RASGRP2: variants seen among roughly 807,000 people sequenced by gnomAD.
The protein encoded by RASGRP2 is RAS guanyl releasing protein 2.
In RASGRP2, 44 loss-of-function variants were observed where a neutral mutation model predicts 71.0. The ratio of observed to expected loss-of-function variants is 0.62; its 90% CI spans 0.49 to 0.80. The LOEUF is 0.80. Among genes scored for constraint, RASGRP2 ranks in the 30% least tolerant of loss-of-function variants. RASGRP2 has a pLI of 0.00. For synonymous variants in RASGRP2, 350 were observed against 330.7 expected (o/e 1.06, Z -0.63); for missense variants, 663 against 813.4 (o/e 0.82, Z 2.25).
rs2135799738 is a variant in RASGRP2 at position 64,742,658 on chromosome 11, C to T, written c.73+136G>A. On this transcript the variant is annotated intron_variant, in intron 2 of 16. Coordinates refer to ENST00000394432, the MANE Select transcript of RASGRP2 (RefSeq NM_001098671.2). The surrounding 1 kb of genome is among the most constrained non-coding windows in gnomAD (Gnocchi z 4.7). ...TGCCCTGCGTTGCGGAGGAGGCTTT[C>T]GTTAAAGAGACTGCACGCTGCGGAG... is the stretch of plus-strand genomic sequence containing the variant. 1.7e-6 allele frequency: 2 copies of T among 1,190,782 alleles called. No individual in the cohort carries two copies. Among genetic ancestry groups the T allele is most frequent in the South Asian group, 1.3e-5 (1 of 76,658 alleles). The allele number at this position is 1,190,782 out of a possible 1,614,324, so 73.8% of individuals were successfully genotyped here.
intron 12 of RASGRP2, among the ~76,000 whole-genome samples, chr11:64,731,449 G>A (rs1471606014): frequency 6.6e-6 from 1 of 151,728 alleles, no homozygotes; most frequent in East Asian, 1.9e-4. Context: ...CAAGAAGCCA[G>A]AAAGGAAAAG....
upstream of RASGRP2, chr11:64,744,340 G>A (rs2058238754): frequency 2.0e-6 from 2 of 984,598 alleles, no homozygotes; most frequent in Admixed American, 6.1e-5. Context: ...CACTCCCCCA[G>A]GCTGGAGGAC....
chr11:64,741,651 G>A, intron 3 of RASGRP2, 150 bp from the exon 4 acceptor site: 1 of 767,424 alleles, frequency 1.3e-6, no homozygotes, highest in Non-Finnish European at 2.3e-6. Context: ...TGAGCTCTGG[G>A]AGGGGTTGGA....
At position 64,739,988 on chromosome 11, in the gene RASGRP2, T is replaced by TGACCCCC; in HGVS notation, c.522+18_522+24dup. 1 of 1,613,824 alleles carries TGACCCCC rather than the reference T, an allele frequency of 6.2e-7. No homozygotes were observed. Among genetic ancestry groups the TGACCCCC allele is most frequent in the Non-Finnish European group, 8.5e-7 (1 of 1,179,890 alleles). On this transcript the variant is annotated intron_variant, in intron 6 of 16. Coordinates refer to ENST00000394432, the MANE Select transcript of RASGRP2 (RefSeq NM_001098671.2). This position sits in a 1 kb window ranked among gnomAD's most constrained non-coding sequence, Gnocchi z 4.2. ...TCTCTTCCAGCCCACATTGGACCCC[T>TGACCCCC]GACCCCCCAGCCCTCGGGCCGCACC...
chr11:64,735,306 C>T lies in RASGRP2; in HGVS notation c.1297-79G>A, dbSNP rs1471858804. 2.3e-6 allele frequency: 3 copies of T among 1,319,784 alleles called. No individual in the cohort carries two copies. The African/African-American group carries it at 4.4e-5, about 19-fold the overall frequency. The allele number at this position is 1,319,784 out of a possible 1,614,324, so 81.8% of individuals were successfully genotyped here. A position where few individuals can be genotyped will look rare whatever the true frequency, so the allele number is the denominator to read the frequency against. On this transcript the variant is annotated intron_variant, in intron 11 of 16. Coordinates refer to ENST00000394432, the MANE Select transcript of RASGRP2 (RefSeq NM_001098671.2). This position sits in a 1 kb window ranked among gnomAD's most constrained non-coding sequence, Gnocchi z 4.2. ...ATCAGGTCCTGTCCCTTCCCACGTT[C>T]CCAGTCCATTTGATGAGGTGTGTCT...
chr11:64,740,831 G>A lies in RASGRP2; in HGVS notation c.371+117C>T, dbSNP rs531786318. 2.8e-6 allele frequency: 4 copies of A among 1,410,742 alleles called. No homozygotes were observed. In the East Asian group the frequency reaches 9.2e-5, roughly 32 times the overall value. 87.4% of individuals were successfully genotyped at this position (1,410,742 alleles called of 1,614,324 possible). ...TGAAGGCAATAGGGAGCCATGGAAG[G>A]TTTTTAAGCGAGAGAGCAACATGAC... is the stretch of plus-strand genomic sequence containing the variant. On this transcript the variant is annotated intron_variant, in intron 5 of 16. Transcript: ENST00000394432.
rs1182879232 is a variant in RASGRP2, at chr11:64,739,288, C to T, written c.813+72G>A. The stretch of plus-strand genomic sequence containing the variant: ...ATCAAATGAGGACAGCTGTGCCCAG[C>T]CCCCAGTGCTGCTGGGAGGACCCAG... On this transcript the variant is annotated intron_variant, in intron 8 of 16. Coordinates refer to ENST00000394432, the MANE Select transcript of RASGRP2 (RefSeq NM_001098671.2). This position sits in a 1 kb window ranked among gnomAD's most constrained non-coding sequence, Gnocchi z 4.2. 7.0e-5 allele frequency: 81 copies of T among 1,162,984 alleles called. No individual in the cohort carries two copies. The highest frequency in any genetic ancestry group is 9.9e-5 in the Non-Finnish European group (76 of 770,596). The allele number at this position is 1,162,984 out of a possible 1,614,324, so 72.0% of individuals were successfully genotyped here.
rs2135715175 is a variant in RASGRP2, at chr11:64,727,060, A to C, written c.*78T>G. On this transcript the variant is annotated 3_prime_UTR_variant, in exon 17 of 17. Transcript: ENST00000394432. ...CCCCCATCCCCAGCCTCCTGCCCCG[A>C]CACCCCCAGGCTCCCTGCTCTGGTT... The C allele has an allele frequency of 1.4e-5, 5 of 362,356 alleles. No individual in the cohort carries two copies. The highest frequency in any genetic ancestry group is 2.2e-5 in the South Asian group (1 of 44,880). 22.4% of individuals were successfully genotyped at this position (362,356 alleles called of 1,614,324 possible). A position where few individuals can be genotyped will look rare whatever the true frequency, so the allele number is the denominator to read the frequency against.
chr11:64,740,816 A>G, intron 5 of RASGRP2, 132 bp downstream of exon 5: 1 of 1,221,216 alleles, frequency 8.2e-7, no homozygotes, highest in Non-Finnish European at 1.2e-6. Context: ...TGAAGGCAAT[A>G]GGGAGCCATG....
Position 64,735,324 on chromosome 11 carries a change from G to A in RASGRP2, c.1297-97C>T. On this transcript the variant is annotated intron_variant, in intron 11 of 16. Transcript: ENST00000394432. The surrounding 1 kb of genome is among the most constrained non-coding windows in gnomAD (Gnocchi z 4.2). The stretch of plus-strand genomic sequence containing the variant: ...CCACGTTCCCAGTCCATTTGATGAG[G>A]TGTGTCTCAGAGAGGTCTCTGACAC... The A allele has an allele frequency of 4.0e-6, 5 of 1,256,356 alleles. No individual in the cohort carries two copies. Among genetic ancestry groups the A allele is most frequent in the Non-Finnish European group, 4.6e-6 (4 of 864,746 alleles). 77.8% of individuals were successfully genotyped at this position (1,256,356 alleles called of 1,614,324 possible). A position where few individuals can be genotyped will look rare whatever the true frequency, so the allele number is the denominator to read the frequency against.
At chr11:64,733,752 T>A (rs180993491) in intron 12 of RASGRP2, among the ~76,000 whole-genome samples, 16 of 152,100 alleles carry the variant, frequency 1.1e-4, no homozygotes, top group African/African-American at 3.9e-4. Flanking sequence ...ACTGGAAGAA[T>A]CCACATACTG....
chr11:64,739,632 G>A lies in RASGRP2; in HGVS notation c.696+4C>T. ...GGGAGACACCGGGAGGGAGGGGCAGGCACCTCCGCCACGTGGACAAAGTGT... is the reference window on the plus strand; with the variant it reads ...GGGAGACACCGGGAGGGAGGGGCAGACACCTCCGCCACGTGGACAAAGTGT... On this transcript the variant is annotated splice_donor_region_variant and intron_variant, in intron 7 of 16. Transcript: ENST00000394432. This position sits in a 1 kb window ranked among gnomAD's most constrained non-coding sequence, Gnocchi z 4.2. 6.2e-7 allele frequency: 1 copy of A among 1,613,062 alleles called. No homozygotes were observed.
chr11:64,727,107 G>A lies in RASGRP2; in HGVS notation c.*31C>T. On this transcript the variant is annotated 3_prime_UTR_variant, in exon 17 of 17. Coordinates refer to ENST00000394432, the MANE Select transcript of RASGRP2 (RefSeq NM_001098671.2). ...GGTTGAAGTATTTTCTCCAAGGCAG[G>A]AATGAGTCCTTGATCCAACCACAGC... 2 of 584,840 alleles carry A rather than the reference G, an allele frequency of 3.4e-6. No homozygotes were observed. The highest frequency in any genetic ancestry group is 3.6e-5 in the South Asian group (2 of 55,914). The allele number at this position is 584,840 out of a possible 1,614,324, so 36.2% of individuals were successfully genotyped here.
chr11:64,728,968 T>A lies in RASGRP2; in HGVS notation c.1666A>T (p.Ser556Cys). 1 of 1,611,622 alleles carries A rather than the reference T, an allele frequency of 6.2e-7. No individual in the cohort carries two copies. The highest frequency in any genetic ancestry group is 1.3e-5 in the African/African-American group (1 of 75,030). Residue 556 changes from serine to cysteine, a missense_variant, in exon 15 of 17, where the codon AGC becomes TGC. Coordinates refer to ENST00000394432, the MANE Select transcript of RASGRP2 (RefSeq NM_001098671.2). ...GGTGAGGGTGCAGACCCCTCCAGGCTCACACTCTGGGCCCTGCGCCGACAC... is the reference window on the plus strand; with the variant it reads ...GGTGAGGGTGCAGACCCCTCCAGGCACACACTCTGGGCCCTGCGCCGACAC... ...VECRRRAQSVSLEGSAPSPSP... is the reference protein window; with the variant it reads ...VECRRRAQSVCLEGSAPSPSP...
At chr11:64,734,477 T>C (rs1030567268) in intron 12 of RASGRP2, among the ~76,000 whole-genome samples, 8 of 152,070 alleles carry the variant, frequency 5.3e-5, no homozygotes, top group African/African-American at 1.9e-4. Flanking sequence ...TTAAACATTT[T>C]GTTCACTATA....
In RASGRP2 at chr11:64,728,884, T is replaced by G; in HGVS notation, c.1750A>C (p.Arg584=). The change falls in exon 15 of 17, where the codon AGG becomes CGG. Residue 584 remains arginine (R), a synonymous_variant. Transcript: ENST00000394432. ...TTACCTGGAGGCCTGGAGCCTCGCC[T>G]GCCAGGGCGGGGCAGAGAGAAGCTG... The part of the protein sequence containing the change: ...AFSFSLPRPG[R]RGSRPPEIRE... The G allele has an allele frequency of 6.2e-7, 1 of 1,612,348 alleles. No individual in the cohort carries two copies. Among genetic ancestry groups the G allele is most frequent in the South Asian group, 1.1e-5 (1 of 91,052 alleles).
intron 14 of RASGRP2, 133 bp downstream of exon 14, chr11:64,729,629 G>T: frequency 1.8e-6 from 2 of 1,134,004 alleles, no homozygotes; most frequent in Non-Finnish European, 2.6e-6. Flanking sequence ...GAGCCACCAT[G>T]CCCGGCCATG....
intron 5 of RASGRP2, 79 bp from the exon 6 acceptor site, chr11:64,740,242 C>CA: frequency 6.4e-7 from 1 of 1,573,486 alleles, no homozygotes; most frequent in Non-Finnish European, 8.7e-7. Context: ...ACACACCATT[C>CA]ACGCTTACTG....
At chr11:64,734,430 G>C (rs2057864921) in intron 12 of RASGRP2, among the ~76,000 whole-genome samples, 1 of 152,032 alleles carries the variant, frequency 6.6e-6, no homozygotes. Flanking sequence ...TAGGATTACA[G>C]GCGTGAGGCA....
Sources: allele counts gnomAD v4.1 joint callset (sites outside exome capture counted in the v4.1 genomes callset), GRCh38; gene constraint gnomAD v4.1.1; non-coding constraint Gnocchi (gnomAD v3.1); transcripts MANE v1.5; gene names NCBI Gene and HGNC (gene_info 2026-07-23, HGNC 2026-07-21).